Variants in BOC observed in about 807,000 individuals in gnomAD.
BOC encodes BOC cell adhesion associated, oncogene regulated.
In BOC, 76 loss-of-function variants were observed where a neutral mutation model predicts 112.0. That is an observed-to-expected ratio of 0.68 (90% CI 0.56 to 0.82). The LOEUF (loss-of-function observed/expected upper bound fraction) is 0.82. BOC is among the 40% of genes least tolerant of loss of function. The pLI is 0.00. For missense variants in BOC, 1,309 were observed against 1,511.7 expected (o/e 0.87, Z 2.22); for synonymous variants, 580 against 599.8 (o/e 0.97, Z 0.48).
intron 2 of BOC, among the ~76,000 whole-genome samples, chr3:113,224,097 G>A (rs1941236598): frequency 6.6e-6 from 1 of 152,238 alleles, no homozygotes. Context: ...TTGCTTTGGA[G>A]CTGCGGATAG....
intron 2 of BOC, among the ~76,000 whole-genome samples, chr3:113,223,111 A>G (rs925848671): frequency 5.9e-5 from 9 of 152,356 alleles, no homozygotes; most frequent in African/African-American, 1.9e-4. Context: ...AAATAGGGAT[A>G]AAGATCCTAA....
chr3:113,216,445 C>T (rs1301508195), intron 2 of BOC, 171 bp downstream of exon 2: 1 of 342,344 alleles, frequency 2.9e-6, no homozygotes, highest in Non-Finnish European at 5.9e-6. Flanking sequence ...GGTTCATATG[C>T]TCTTTTAGTC....
chr3:113,276,237 G>A (rs1019503499), intron 9 of BOC, among the ~76,000 whole-genome samples: 5 of 152,218 alleles, frequency 3.3e-5, no homozygotes, highest in Admixed American at 3.3e-4. Flanking sequence ...AAGCAGCCTC[G>A]CAGAAGAGGC....
At chr3:113,223,821 G>T (rs1941180336) in intron 2 of BOC, among the ~76,000 whole-genome samples, 1 of 152,208 alleles carries the variant, frequency 6.6e-6, no homozygotes. Context: ...GACTGAAAAA[G>T]GAGCCCAAAG....
intron 8 of BOC, 32 bp downstream of exon 8, chr3:113,273,373 C>A: frequency 6.4e-7 from 1 of 1,555,242 alleles, no homozygotes. Flanking sequence ...GAGATTCCAG[C>A]TGATGATTCA....
intron 4 of BOC, among the ~76,000 whole-genome samples, chr3:113,256,933 G>A (rs892708110): frequency 4.6e-5 from 7 of 152,134 alleles, no homozygotes; most frequent in East Asian, 1.9e-4. Flanking sequence ...TCTGTGTTGT[G>A]TTCTTCTCTG....
chr3:113,259,917 T>C (rs1875111), intron 4 of BOC, among the ~76,000 whole-genome samples: 53,232 of 151,960 alleles, frequency 0.35, 10,355 homozygotes, highest in East Asian at 0.51. Flanking sequence ...CCTCTCCATC[T>C]CCGTCCTCAG....
chr3:113,281,304 C>G lies in BOC; in HGVS notation c.2434+151C>G, dbSNP rs1173183651. ...CTCAGACTTGGTCATGTTTCACTCT[C>G]TACTCATTTGTCTGTGCCTAATACT... On this transcript the variant is annotated intron_variant, in intron 15 of 19. Transcript: ENST00000682979. 1.1e-5 allele frequency: 11 copies of G among 968,228 alleles called. No homozygotes were observed. In the African/African-American group the frequency reaches 1.8e-4, roughly 16 times the overall value. The allele number at this position is 968,228 out of a possible 1,614,324, so 60.0% of individuals were successfully genotyped here. A position where few individuals can be genotyped will look rare whatever the true frequency, so the allele number is the denominator to read the frequency against.
intron 9 of BOC, among the ~76,000 whole-genome samples, chr3:113,276,480 C>G (rs1948685887): frequency 6.6e-6 from 1 of 152,200 alleles, no homozygotes; most frequent in South Asian, 2.1e-4. Flanking sequence ...AGCCTGGGGT[C>G]TCCTCAGCCT....
At chr3:113,219,598 C>T (rs1030341951) in intron 2 of BOC, among the ~76,000 whole-genome samples, 36 of 152,308 alleles carry the variant, frequency 2.4e-4, no homozygotes, top group African/African-American at 8.2e-4. Context: ...CAAGCTTTCC[C>T]GCAAAGCAGA....
chr3:113,227,869 G>GT (rs879678999), intron 2 of BOC, among the ~76,000 whole-genome samples: 221 of 147,984 alleles, frequency 1.5e-3, no homozygotes, highest in African/African-American at 3.4e-3. Flanking sequence ...AAGTGTTTGG[G>GT]TTTTTTTTTT....
chr3:113,230,268 T>A (rs1942395528), intron 2 of BOC, among the ~76,000 whole-genome samples: 1 of 152,210 alleles, frequency 6.6e-6, no homozygotes, highest in African/African-American at 2.4e-5. Context: ...GGACTGCAGG[T>A]GCAAATGCAT....
intron 2 of BOC, among the ~76,000 whole-genome samples, chr3:113,216,936 G>A (rs1939510281): frequency 6.6e-6 from 1 of 152,176 alleles, no homozygotes; most frequent in East Asian, 1.9e-4. Context: ...TAGGGTTGAA[G>A]AAAAATTACC....
Position 113,278,046 on chromosome 3 carries a change from C to T in BOC, c.1543-49C>T, listed in dbSNP as rs773890578. 6.9e-6 allele frequency: 11 copies of T among 1,605,326 alleles called. No homozygotes were observed. Among genetic ancestry groups the T allele is most frequent in the South Asian group, 4.4e-5 (4 of 89,980 alleles). ...CTTTCTTTGTAAACCATAGCCCACTCGTAGCCCGAGGCTGAGATGCCGGTC... is the reference window on the plus strand; with the variant it reads ...CTTTCTTTGTAAACCATAGCCCACTTGTAGCCCGAGGCTGAGATGCCGGTC... On this transcript the variant is annotated intron_variant, in intron 9 of 19. Coordinates refer to ENST00000682979, the MANE Select transcript of BOC (RefSeq NM_001378074.1). This position sits in a 1 kb window ranked among gnomAD's most constrained non-coding sequence, Gnocchi z 4.2.
Position 113,242,253 on chromosome 3 carries a change from G to C in BOC, c.-81-7469G>C, listed in dbSNP as rs555155258. Among the ~76,000 whole-genome samples, 4 of 152,264 alleles carry C rather than the reference G, an allele frequency of 2.6e-5. No individual in the cohort carries two copies. The East Asian group carries it at 7.7e-4, about 29-fold the overall frequency. On this transcript the variant is annotated intron_variant, in intron 2 of 19. Coordinates refer to ENST00000682979, the MANE Select transcript of BOC (RefSeq NM_001378074.1). ...ATTGAGCCGGGAGTGTAGAAGAAAG[G>C]AAGTGGTTTTCCTTTTCTTTCGGTC...
intron 1 of BOC, among the ~76,000 whole-genome samples, chr3:113,214,129 A>G (rs1428391483): frequency 6.6e-6 from 1 of 152,210 alleles, no homozygotes; most frequent in Non-Finnish European, 1.5e-5. Flanking sequence ...TTTGACTACA[A>G]CTGGAGAGGG....
In BOC at chr3:113,232,251, C is replaced by T. The variant is rs573804858; in HGVS notation, c.-82+15977C>T. ...GCCTTGCACCGAGGCCACTGAGCTT[C>T]CCAAGTTGGGGAGAGCTGGCAGGGG... is the stretch of plus-strand genomic sequence containing the variant. On this transcript the variant is annotated intron_variant, in intron 2 of 19. Transcript: ENST00000682979. Among the ~76,000 whole-genome samples, 373 of 152,318 alleles carry T rather than the reference C, an allele frequency of 2.4e-3. 2 individuals are homozygous for T. The highest frequency in any genetic ancestry group is 2.9e-3 in the Non-Finnish European group (198 of 68,028).
intron 4 of BOC, among the ~76,000 whole-genome samples, chr3:113,259,042 T>C (rs1278877812): frequency 6.6e-6 from 1 of 152,222 alleles, no homozygotes; most frequent in Non-Finnish European, 1.5e-5. Flanking sequence ...TCAAATGGCA[T>C]TGGCTACACT....
At chr3:113,259,854 C>T (rs1033508949) in intron 4 of BOC, among the ~76,000 whole-genome samples, 2 of 152,150 alleles carry the variant, frequency 1.3e-5, no homozygotes, top group Admixed American at 6.6e-5. Context: ...CACTTTCCAT[C>T]GCGCACTTTC....
Sources: gnomAD v4.1 joint callset for allele counts (sites outside exome capture counted in the v4.1 genomes callset) on GRCh38, gnomAD v4.1.1 for gene constraint, Gnocchi (gnomAD v3.1) non-coding constraint, MANE v1.5 for transcripts, NCBI Gene and HGNC (gene_info 2026-07-23, HGNC 2026-07-21) for gene names.